Variants in GRAMD1B observed in about 807,000 individuals in gnomAD.
The protein encoded by GRAMD1B is GRAM domain containing 1B, also known as protein Aster-B.
In GRAMD1B, 37 loss-of-function variants were observed where a neutral mutation model predicts 99.7. That is an observed-to-expected ratio of 0.37 (90% CI 0.29 to 0.49). GRAMD1B has a LOEUF of 0.49. GRAMD1B is among the 20% of genes least tolerant of loss of function. GRAMD1B has a pLI of 0.98. For missense variants in GRAMD1B, 888 were observed against 1,009.2 expected (o/e 0.88, Z 1.63); for synonymous variants, 427 against 387.6 (o/e 1.10, Z -1.19).
upstream of GRAMD1B, among the ~76,000 whole-genome samples, chr11:123,426,750 G>A (rs977203173): frequency 2.0e-5 from 3 of 152,278 alleles, no homozygotes; most frequent in South Asian, 2.1e-4. Flanking sequence ...TAAGGTGTCC[G>A]GGGTGCCAGC....
chr11:123,450,932 A>G (rs1591565050), intron 1 of GRAMD1B, among the ~76,000 whole-genome samples: 1 of 152,156 alleles, frequency 6.6e-6, no homozygotes, highest in Non-Finnish European at 1.5e-5. Context: ...TATCCAGTGT[A>G]ATGAAAGCCT....
intron 1 of GRAMD1B, among the ~76,000 whole-genome samples, chr11:123,467,591 C>T (rs779706394): frequency 4.4e-4 from 67 of 151,982 alleles, no homozygotes; most frequent in Middle Eastern, 3.4e-3. Context: ...AAGATTCTGG[C>T]GGGTTTTGTT....
intron 4 of GRAMD1B, among the ~76,000 whole-genome samples, chr11:123,589,965 GAATCC>G (rs1950482376): frequency 1.3e-5 from 2 of 152,094 alleles, no homozygotes; most frequent in Non-Finnish European, 2.9e-5. Flanking sequence ...CTTTTCCTGG[GAATCC>G]ACATCTTCCC....
chr11:123,525,890 C>T (rs1048479947), intron 2 of GRAMD1B: 2 of 541,004 alleles, frequency 3.7e-6, no homozygotes, highest in Non-Finnish European at 6.6e-6. Context: ...GCAGGCGGCT[C>T]CAGCCCCAGG....
intron 2 of GRAMD1B, among the ~76,000 whole-genome samples, chr11:123,548,291 AATATATATAT>A (rs139996126): frequency 0.018 from 1,346 of 75,124 alleles, 45 homozygotes; most frequent in African/African-American, 0.063. Flanking sequence ...GCTGTGCCAA[AATATATATAT>A]ATATATATAT....
At chr11:123,554,936 A>G (rs1346308823) in intron 2 of GRAMD1B, among the ~76,000 whole-genome samples, 1 of 152,206 alleles carries the variant, frequency 6.6e-6, no homozygotes, top group Non-Finnish European at 1.5e-5. Flanking sequence ...TGCCCAGTGT[A>G]TGGCACAGAG....
chr11:123,467,394 C>CTT lies in GRAMD1B; in HGVS notation c.375-13401_375-13400dup, dbSNP rs11447711. On this transcript the variant is annotated intron_variant, in intron 1 of 19. Coordinates refer to ENST00000635736, the MANE Select transcript of GRAMD1B (RefSeq NM_001387025.1). ...ACGTTGTAGCCTTGGTTTTCAACAC[C>CTT]TTTTTTTTTTTTTTTTTTTTTTACT... Among the ~76,000 whole-genome samples, 543 of 103,318 alleles carry CTT rather than the reference C, an allele frequency of 5.3e-3. 13 individuals are homozygous for CTT. Among genetic ancestry groups the CTT allele is most frequent in the African/African-American group, 0.011 (286 of 26,870 alleles). 67.8% of individuals were successfully genotyped at this position (103,318 alleles called of 152,430 possible).
At position 123,594,171 on chromosome 11, in the gene GRAMD1B, G is replaced by T. The variant is rs1242277075; in HGVS notation, c.769+5G>T. On this transcript the variant is annotated splice_donor_5th_base_variant and intron_variant, in intron 5 of 19. Coordinates refer to ENST00000635736, the MANE Select transcript of GRAMD1B (RefSeq NM_001387025.1). ...ACACGGAGCGCCTCATTGTTGGTGA[G>T]TTGGGTGACCTGGGAGGGGATGGGA... 6.3e-7 allele frequency: 1 copy of T among 1,599,356 alleles called. No homozygotes were observed. The highest frequency in any genetic ancestry group is 1.7e-5 in the Admixed American group (1 of 60,014).
At chr11:123,525,834 CA>C (rs1942662301) in intron 2 of GRAMD1B, 1 of 437,940 alleles carries the variant, frequency 2.3e-6, no homozygotes, top group Non-Finnish European at 4.2e-6. Context: ...GCCTTGCCAG[CA>C]TTACCCATCC....
intron 1 of GRAMD1B, among the ~76,000 whole-genome samples, chr11:123,373,135 T>C (rs1235403017): frequency 6.6e-6 from 1 of 152,036 alleles, no homozygotes; most frequent in Non-Finnish European, 1.5e-5. Flanking sequence ...TGAGACTCTG[T>C]CTCAAAAAAA....
intron 1 of GRAMD1B, among the ~76,000 whole-genome samples, chr11:123,414,988 C>T (rs1040107898): frequency 6.6e-6 from 1 of 151,896 alleles, no homozygotes; most frequent in Non-Finnish European, 1.5e-5. Context: ...TGCTAAAACA[C>T]ATTCAGAATG....
At chr11:123,396,007 T>C (rs904450920) in intron 1 of GRAMD1B, among the ~76,000 whole-genome samples, 2 of 152,178 alleles carry the variant, frequency 1.3e-5, no homozygotes, top group Admixed American at 1.3e-4. Flanking sequence ...TATTTAGTAG[T>C]AGTAATAACT....
intron 1 of GRAMD1B, among the ~76,000 whole-genome samples, chr11:123,365,549 G>A (rs1296927559): frequency 2.0e-5 from 3 of 152,056 alleles, no homozygotes; most frequent in Non-Finnish European, 4.4e-5. Context: ...ACCATGCCTG[G>A]CCTACCCTAC....
chr11:123,426,193 A>AGTCTGGTGGGTGGGCTG (rs1293449833), upstream of GRAMD1B, among the ~76,000 whole-genome samples: 2 of 152,196 alleles, frequency 1.3e-5, no homozygotes, highest in Non-Finnish European at 2.9e-5. Flanking sequence ...GACCCACAGT[A>AGTCTGGTGGGTGGGCTG]GTAGGGTGGG....
chr11:123,612,176 T>A (rs1953691582), intron 14 of GRAMD1B, among the ~76,000 whole-genome samples: 1 of 151,694 alleles, frequency 6.6e-6, no homozygotes, highest in Non-Finnish European at 1.5e-5. Context: ...AGCCTCAACC[T>A]CCACCTCAAC....
intron 2 of GRAMD1B, among the ~76,000 whole-genome samples, chr11:123,486,059 C>G (rs2953198): frequency 0.42 from 64,311 of 152,042 alleles, 15,207 homozygotes; most frequent in African/African-American, 0.64. Context: ...GTTACTCAAC[C>G]CTCAACCTTA....
chr11:123,594,761 A>G lies in GRAMD1B; in HGVS notation c.796A>G (p.Ile266Val). ...VDYSCALQRDILLQGRLYLSE... is the reference protein window; with the variant it reads ...VDYSCALQRDVLLQGRLYLSE... ...TTACTCATGTGCACTCCAAAGAGAC[A>G]TTCTCCTTCAGGGCCGACTCTACCT... The change falls in exon 6 of 20, where the codon ATT becomes GTT. Residue 266 changes from isoleucine to valine, a missense_variant. By Grantham distance (29) the Ile-to-Val change is conservative. Around this residue, in one of 5 missense-constraint regions of GRAMD1B, gnomAD observed 62 missense variants for 139.4 expected, o/e 0.44. Transcript: ENST00000635736. 1 of 1,598,378 alleles carries G rather than the reference A, an allele frequency of 6.3e-7. No homozygotes were observed. Among genetic ancestry groups the G allele is most frequent in the Non-Finnish European group, 8.6e-7 (1 of 1,165,740 alleles).
intron 1 of GRAMD1B, among the ~76,000 whole-genome samples, chr11:123,377,727 C>T (rs908642429): frequency 2.0e-5 from 3 of 152,206 alleles, no homozygotes; most frequent in East Asian, 1.9e-4. Flanking sequence ...AGATAATATA[C>T]ACTTAGAAGG....
intron 2 of GRAMD1B, among the ~76,000 whole-genome samples, chr11:123,491,391 G>A (rs182912213): frequency 2.6e-5 from 4 of 152,174 alleles, no homozygotes; most frequent in Admixed American, 6.5e-5. Flanking sequence ...ATGGACTCAC[G>A]GACATTCCCG....
Sources: allele counts gnomAD v4.1 joint callset (sites outside exome capture counted in the v4.1 genomes callset), GRCh38; gene constraint gnomAD v4.1.1; regional missense constraint gnomAD v4.1.1; transcripts MANE v1.5; gene names NCBI Gene and HGNC (gene_info 2026-07-23, HGNC 2026-07-21).